Variants in CHRM3 observed in about 807,000 individuals in gnomAD.
The protein encoded by CHRM3 is muscarinic acetylcholine receptor M3.
Under a neutral mutation model 41.8 loss-of-function variants are expected in CHRM3, and 11 were observed. The ratio of observed to expected loss-of-function variants is 0.26; its 90% CI spans 0.17 to 0.44. The LOEUF is 0.44. Among genes scored for constraint, CHRM3 ranks in the 20% least tolerant of loss-of-function variants. The pLI is 1.00. For synonymous variants in CHRM3, 297 were observed against 301.4 expected, an observed-to-expected ratio of 0.99 and a Z score of 0.15; for missense variants, 571 against 745.4, an observed-to-expected ratio of 0.77 and a Z score of 2.72.
intron 3 of CHRM3, among the ~76,000 whole-genome samples, chr1:239,614,001 T>A (rs1667352225): frequency 6.6e-6 from 1 of 151,776 alleles, no homozygotes; most frequent in Admixed American, 6.6e-5. Context: ...ACAAAAAAAA[T>A]AAAATAAATA....
At chr1:239,417,865 G>A (rs1661624936) in intron 1 of CHRM3, among the ~76,000 whole-genome samples, 1 of 152,114 alleles carries the variant, frequency 6.6e-6, no homozygotes, top group Non-Finnish European at 1.5e-5. Context: ...CTATTTGACA[G>A]CAGATAATCA....
chr1:239,773,376 T>C (rs1667841450), intron 5 of CHRM3, among the ~76,000 whole-genome samples: 1 of 152,230 alleles, frequency 6.6e-6, no homozygotes, highest in South Asian at 2.1e-4. Context: ...TAAGTAACTG[T>C]TTACTTATCT....
intron 4 of CHRM3, among the ~76,000 whole-genome samples, chr1:239,646,342 C>T (rs901510043): frequency 6.6e-5 from 10 of 152,138 alleles, no homozygotes; most frequent in African/African-American, 2.4e-4. Context: ...GTTTTAATGA[C>T]AAGCTATACA....
At chr1:239,682,612 T>G (rs1190417398) in intron 5 of CHRM3, among the ~76,000 whole-genome samples, 1 of 152,100 alleles carries the variant, frequency 6.6e-6, no homozygotes, top group Non-Finnish European at 1.5e-5. Context: ...TCCGTAAAAC[T>G]GACATGCTAT....
intron 3 of CHRM3, among the ~76,000 whole-genome samples, chr1:239,621,769 G>A (rs7519126): frequency 2.0e-5 from 3 of 152,092 alleles, no homozygotes; most frequent in Non-Finnish European, 4.4e-5. Flanking sequence ...AAGGACAAAA[G>A]CTGTCTATAT....
chr1:239,627,599 G>T (rs933288351), intron 3 of CHRM3, among the ~76,000 whole-genome samples: 1 of 138,326 alleles, frequency 7.2e-6, no homozygotes, highest in Non-Finnish European at 1.5e-5. Flanking sequence ...TCCTAGTCTC[G>T]ATGGTCTTTA....
intron 2 of CHRM3, among the ~76,000 whole-genome samples, chr1:239,541,308 A>C (rs1257337423): frequency 6.6e-6 from 1 of 152,110 alleles, no homozygotes; most frequent in Non-Finnish European, 1.5e-5. Context: ...GCTGACTTAG[A>C]GGTTGTACCT....
intron 3 of CHRM3, among the ~76,000 whole-genome samples, chr1:239,593,164 G>A (rs1374344613): frequency 6.6e-6 from 1 of 151,906 alleles, no homozygotes; most frequent in East Asian, 1.9e-4. Flanking sequence ...TATGTTTATG[G>A]GATTATCTGA....
intron 4 of CHRM3, among the ~76,000 whole-genome samples, chr1:239,670,333 A>T (rs965080962): frequency 6.6e-6 from 1 of 152,074 alleles, no homozygotes; most frequent in East Asian, 1.9e-4. Flanking sequence ...AGAGCTTTAT[A>T]AAAATAAAAT....
At chr1:239,726,633 T>C (rs1413503676) in intron 5 of CHRM3, among the ~76,000 whole-genome samples, 1 of 151,918 alleles carries the variant, frequency 6.6e-6, no homozygotes, top group Non-Finnish European at 1.5e-5. Context: ...CATGGTGATA[T>C]CTAGTGTACA....
At chr1:239,646,634 G>T (rs1325631259) in intron 4 of CHRM3, among the ~76,000 whole-genome samples, 1 of 152,114 alleles carries the variant, frequency 6.6e-6, no homozygotes, top group Non-Finnish European at 1.5e-5. Context: ...CAGAAAGAGG[G>T]CACTGCAAGG....
chr1:239,523,168 C>G (rs1669769242), intron 2 of CHRM3, among the ~76,000 whole-genome samples: 1 of 151,968 alleles, frequency 6.6e-6, no homozygotes, highest in Admixed American at 6.6e-5. Context: ...ATAATATATG[C>G]TATATACACA....
chr1:239,792,328 T>C (rs901009964), intron 5 of CHRM3, among the ~76,000 whole-genome samples: 2 of 152,278 alleles, frequency 1.3e-5, no homozygotes, highest in Non-Finnish European at 2.9e-5. Context: ...CTCTGAAATC[T>C]CTGTGATCTC....
At chr1:239,502,447 T>C (rs948048542) in intron 2 of CHRM3, among the ~76,000 whole-genome samples, 4 of 151,780 alleles carry the variant, frequency 2.6e-5, no homozygotes, top group African/African-American at 4.8e-5. Flanking sequence ...ATTTAAAAAT[T>C]AGCAACAAAA....
At chr1:239,674,325 C>A (rs1459064947) in intron 4 of CHRM3, among the ~76,000 whole-genome samples, 1 of 152,054 alleles carries the variant, frequency 6.6e-6, no homozygotes, top group African/African-American at 2.4e-5. Context: ...TTTATTAGTT[C>A]TTTTTGCAAA....
In CHRM3 at chr1:239,510,930, T is replaced by C. The variant is rs548729775; in HGVS notation, c.-422+18123T>C. The stretch of plus-strand genomic sequence containing the variant: ...CTCCTAATAAATGCAGAATAGATCA[T>C]GAAACATTAAGGGCAAGATAGAATA... On this transcript the variant is annotated intron_variant, in intron 2 of 6. Transcript: ENST00000676153. Among the ~76,000 whole-genome samples the C allele has an allele frequency of 2.6e-4, 40 of 152,138 alleles. 1 individual carries two copies. Among genetic ancestry groups the C allele is most frequent in the Middle Eastern group, 3.4e-3 (1 of 294 alleles).
intron 6 of CHRM3, among the ~76,000 whole-genome samples, chr1:239,832,458 C>T (rs1371332719): frequency 7.9e-6 from 1 of 127,056 alleles, no homozygotes; most frequent in Admixed American, 7.5e-5. Flanking sequence ...CCTTACTTGA[C>T]CATGCTAAGA....
intron 3 of CHRM3, among the ~76,000 whole-genome samples, chr1:239,560,724 TTGAC>T (rs1660775869): frequency 1.3e-5 from 2 of 152,148 alleles, no homozygotes; most frequent in African/African-American, 2.4e-5. Context: ...ATGTAAATCT[TTGAC>T]TGTGTCTGGG....
chr1:239,670,965 A>G (rs1410406971), intron 4 of CHRM3, among the ~76,000 whole-genome samples: 2 of 152,190 alleles, frequency 1.3e-5, no homozygotes, highest in African/African-American at 4.8e-5. Context: ...GCTACATAAT[A>G]AATTTTCCAT....
Sources: gnomAD v4.1 joint callset for allele counts (sites outside exome capture counted in the v4.1 genomes callset) on GRCh38, gnomAD v4.1.1 for gene constraint, MANE v1.5 for transcripts, NCBI Gene and HGNC (gene_info 2026-07-23, HGNC 2026-07-21) for gene names.